Variants in POLK observed in about 807,000 individuals in gnomAD.
The protein encoded by POLK is polymerase (DNA directed) kappa.
A neutral mutation model predicts 94.0 loss-of-function variants in POLK; 76 were observed. The observed-to-expected ratio is 0.81, with a 90% CI of 0.67 to 0.98. The LOEUF is 0.98. Among genes scored for constraint, POLK ranks in the 50% least tolerant of loss-of-function variants. The pLI is 0.00. For missense variants in POLK, 954 were observed against 1,010.1 expected (o/e 0.94, Z 0.75); for synonymous variants, 349 against 325.4 (o/e 1.07, Z -0.78).
At position 75,581,208 on chromosome 5, in the gene POLK, G is replaced by A. The variant is rs1410908248; in HGVS notation, c.695-1G>A. On this transcript the variant is annotated splice_acceptor_variant, in intron 6 of 14. Transcript: ENST00000241436. LOFTEE classifies it high-confidence loss of function. ...GAGTTATTTTCCTGTTTATGACTTA[G>A]ATAATCCAGGAAAGGAAGTTAATAA... 7 of 1,588,940 alleles carry A rather than the reference G, an allele frequency of 4.4e-6. No individual in the cohort carries two copies. The highest frequency in any genetic ancestry group is 4.3e-6 in the Non-Finnish European group (5 of 1,157,898).
exon 13 of POLK, chr5:75,596,706 G>A: frequency 6.2e-7 from 1 of 1,613,890 alleles, no homozygotes; most frequent in Non-Finnish European, 8.5e-7. Flanking sequence ...AAGTTAACAA[G>A]AAAGAAAATG....
At position 75,552,415 on chromosome 5, in the gene POLK, A is replaced by G. The variant is rs541106503; in HGVS notation, c.136-57A>G. The stretch of plus-strand genomic sequence containing the variant: ...GTGCTCTTAGCCACCAGGTTATACT[A>G]CAGTGATGCTTTCCTTCAGACATTT... On this transcript the variant is annotated intron_variant, in intron 2 of 14. Transcript: ENST00000241436. 1.9e-4 allele frequency: 296 copies of G among 1,560,548 alleles called. No individual in the cohort carries two copies. The African/African-American group carries it at 3.7e-3, about 19-fold the overall frequency.
intron 1 of POLK, among the ~76,000 whole-genome samples, chr5:75,541,428 G>A (rs1211767190): frequency 6.6e-6 from 1 of 152,146 alleles, no homozygotes; most frequent in Non-Finnish European, 1.5e-5. Context: ...TCCACTTATT[G>A]TTCTATAAGA....
intron 1 of POLK, among the ~76,000 whole-genome samples, chr5:75,532,152 G>A (rs934602836): frequency 6.6e-6 from 1 of 152,170 alleles, no homozygotes; most frequent in African/African-American, 2.4e-5. Flanking sequence ...TAGGTAAATT[G>A]CATGCCATGG....
chr5:75,595,109 G>A (rs1440695174), intron 12 of POLK, among the ~76,000 whole-genome samples: 1 of 151,842 alleles, frequency 6.6e-6, no homozygotes, highest in African/African-American at 2.4e-5. Flanking sequence ...AAAATTAGCT[G>A]GACATGGTGG....
rs1455199411 is a variant in POLK, at chr5:75,530,897, C to T, written c.-13-16113C>T. Among the ~76,000 whole-genome samples the T allele has an allele frequency of 2.0e-5, 3 of 151,190 alleles. 1 individual carries two copies. In the South Asian group the frequency reaches 6.3e-4, roughly 32 times the overall value. On this transcript the variant is annotated intron_variant, in intron 1 of 14. Coordinates refer to ENST00000241436, the Ensembl canonical transcript of POLK. ...ATGTCCGCTTGCTGCAAGCTGCCTC[C>T]CAGGTTCATGCCGTTCTCCTGCCTT...
At chr5:75,537,949 C>G (rs142338408) in intron 1 of POLK, among the ~76,000 whole-genome samples, 1 of 151,834 alleles carries the variant, frequency 6.6e-6, no homozygotes, top group Non-Finnish European at 1.5e-5. Flanking sequence ...CTCTGCCTCC[C>G]GGGTTCATGC....
chr5:75,537,227 T>C (rs1251172551), intron 1 of POLK, among the ~76,000 whole-genome samples: 1 of 152,190 alleles, frequency 6.6e-6, no homozygotes, highest in Non-Finnish European at 1.5e-5. Context: ...GGCTTCAGAA[T>C]TGCCTCCACC....
intron 5 of POLK, among the ~76,000 whole-genome samples, chr5:75,574,881 A>G (rs1771791350): frequency 6.6e-6 from 1 of 152,250 alleles, no homozygotes; most frequent in Non-Finnish European, 1.5e-5. Flanking sequence ...CTAATCATAA[A>G]TATAGCCTTT....
chr5:75,549,140 A>G (rs1042248494), intron 2 of POLK, among the ~76,000 whole-genome samples: 1 of 152,134 alleles, frequency 6.6e-6, no homozygotes, highest in African/African-American at 2.4e-5. Flanking sequence ...TTTTCCTGAG[A>G]CTTTTTTGAT....
chr5:75,539,698 A>G (rs767369603), intron 1 of POLK, among the ~76,000 whole-genome samples: 12 of 152,070 alleles, frequency 7.9e-5, no homozygotes, highest in Non-Finnish European at 1.2e-4. Flanking sequence ...GGCTCAAGCA[A>G]TCCTCCTGCC....
At chr5:75,580,518 TAAC>T in intron 6 of POLK, 4 of 502,466 alleles carry the variant, frequency 8.0e-6, no homozygotes, top group South Asian at 8.7e-5. Flanking sequence ...CTATTAATAA[TAAC>T]GTCTCTTTTT....
Position 75,527,816 on chromosome 5 carries a change from T to G in POLK, c.-14+15902T>G, listed in dbSNP as rs559697953. Among the ~76,000 whole-genome samples the G allele has an allele frequency of 2.4e-3, 361 of 152,294 alleles. 3 individuals are homozygous for G. Among genetic ancestry groups the G allele is most frequent in the Non-Finnish European group, 4.2e-3 (288 of 68,012 alleles). On this transcript the variant is annotated intron_variant, in intron 1 of 14. Transcript: ENST00000241436. The stretch of plus-strand genomic sequence containing the variant: ...ATGTGTTGCTTTTAAAATGTCTGTC[T>G]TATTAAGACCAGTGCCTAAAAATTT...
At chr5:75,511,633 CTCCCCTCCCCTGTCCTT>C (rs1768012658), upstream of POLK, 1 of 1,486,008 alleles carries the variant, frequency 6.7e-7, no homozygotes, top group African/African-American at 1.4e-5. Context: ...ACTATTTACC[CTCCCCTCCCCTGTCCTT>C]TCCCCTCCCC....
chr5:75,567,034 T>C (rs1287639466), intron 3 of POLK, among the ~76,000 whole-genome samples: 1 of 152,200 alleles, frequency 6.6e-6, no homozygotes, highest in Non-Finnish European at 1.5e-5. Flanking sequence ...GGGTGACTAA[T>C]GAGAGATAGT....
intron 1 of POLK, among the ~76,000 whole-genome samples, chr5:75,526,227 TAAAAA>T (rs1345214543): frequency 6.6e-6 from 1 of 151,604 alleles, no homozygotes; most frequent in East Asian, 1.9e-4. Flanking sequence ...CTCCGTCTCT[TAAAAA>T]AAAGAAAAAA....
chr5:75,516,257 G>T (rs901571458), intron 1 of POLK, among the ~76,000 whole-genome samples: 5 of 152,054 alleles, frequency 3.3e-5, no homozygotes, highest in Non-Finnish European at 5.9e-5. Flanking sequence ...CGTTTGCTTT[G>T]GTTGTCAGTG....
chr5:75,539,852 A>G (rs755134949), intron 1 of POLK, among the ~76,000 whole-genome samples: 1 of 152,252 alleles, frequency 6.6e-6, no homozygotes, highest in Non-Finnish European at 1.5e-5. Flanking sequence ...ATTCTTTTAA[A>G]TTAGTGATAG....
At chr5:75,555,038 C>A (rs547248518) in intron 3 of POLK, among the ~76,000 whole-genome samples, 2 of 152,264 alleles carry the variant, frequency 1.3e-5, no homozygotes, top group Admixed American at 6.5e-5. Flanking sequence ...ATAAAAGGTA[C>A]AAAGATTTTC....
Sources: allele counts gnomAD v4.1 joint callset (sites outside exome capture counted in the v4.1 genomes callset), GRCh38; gene constraint gnomAD v4.1.1; transcripts MANE v1.5; gene names NCBI Gene and HGNC (gene_info 2026-07-23, HGNC 2026-07-21).